RXFP2: variants seen among roughly 807,000 people sequenced by gnomAD.
The protein encoded by RXFP2 is relaxin receptor 2.
Under a neutral mutation model 88.6 loss-of-function variants are expected in RXFP2, and 68 were observed. The ratio of observed to expected loss-of-function variants is 0.77; its 90% CI spans 0.63 to 0.94. The LOEUF is 0.94. Ranked by LOEUF, RXFP2 falls within the 40% of genes least tolerant of loss-of-function variation. RXFP2 has a pLI of 0.00. For missense variants in RXFP2, 791 were observed against 893.9 expected, an observed-to-expected ratio of 0.88 and a Z score of 1.47; for synonymous variants, 329 against 306.8, an observed-to-expected ratio of 1.07 and a Z score of -0.76.
chr13:31,750,907 C>A (rs1871640483), intron 1 of RXFP2, among the ~76,000 whole-genome samples: 1 of 152,154 alleles, frequency 6.6e-6, no homozygotes, highest in Non-Finnish European at 1.5e-5. Context: ...GAGAGTATAT[C>A]TCAGTTTTAC....
intron 9 of RXFP2, among the ~76,000 whole-genome samples, chr13:31,780,477 T>G (rs1383387034): frequency 6.6e-6 from 1 of 152,216 alleles, no homozygotes; most frequent in Non-Finnish European, 1.5e-5. Flanking sequence ...CAGTATATTG[T>G]GTGAAAAATG....
intron 3 of RXFP2, among the ~76,000 whole-genome samples, chr13:31,763,465 G>T (rs1872397660): frequency 6.6e-6 from 1 of 152,104 alleles, no homozygotes; most frequent in African/African-American, 2.4e-5. Flanking sequence ...GGCTACTGCT[G>T]AACATCCTAC....
At chr13:31,754,500 C>T (rs1453004983) in intron 1 of RXFP2, among the ~76,000 whole-genome samples, 1 of 151,974 alleles carries the variant, frequency 6.6e-6, no homozygotes, top group Non-Finnish European at 1.5e-5. Flanking sequence ...CACTGCACTC[C>T]AGCCTGGGTG....
rs754586264 is a variant in RXFP2 at position 31,789,198 on chromosome 13, G to A, written c.1145+5G>A. The A allele has an allele frequency of 4.4e-6, 7 of 1,573,988 alleles. No homozygotes were observed. The highest frequency in any genetic ancestry group is 1.7e-4 in the Middle Eastern group (1 of 5,974). On this transcript the variant is annotated splice_donor_5th_base_variant and intron_variant, in intron 14 of 17. Coordinates refer to ENST00000298386, the MANE Select transcript of RXFP2 (RefSeq NM_130806.5). ...CATGAAGAATCTTTCTCACATGTAC[G>A]TATGTATAAAAAATGGAGGAGGAAG... is the stretch of plus-strand genomic sequence containing the variant.
At chr13:31,743,337 G>A (rs1428879843) in intron 1 of RXFP2, among the ~76,000 whole-genome samples, 1 of 151,990 alleles carries the variant, frequency 6.6e-6, no homozygotes, top group Non-Finnish European at 1.5e-5. Flanking sequence ...GCATGGTGGT[G>A]CACACCTGTG....
At chr13:31,775,519 G>T in intron 7 of RXFP2, 130 bp downstream of exon 7, 1 of 765,646 alleles carries the variant, frequency 1.3e-6, no homozygotes, top group Non-Finnish European at 2.3e-6. Flanking sequence ...CATATAATCT[G>T]CAGAACTTTA....
At chr13:31,779,700 TG>T (rs1873177670) in intron 9 of RXFP2, among the ~76,000 whole-genome samples, 1 of 152,200 alleles carries the variant, frequency 6.6e-6, no homozygotes, top group Admixed American at 6.5e-5. Context: ...GTAGCGCTGC[TG>T]GAACTCTTCT....
chr13:31,774,718 G>GT (rs1872867509), intron 6 of RXFP2, 27 bp downstream of exon 6: 3 of 1,208,546 alleles, frequency 2.5e-6, no homozygotes, highest in Non-Finnish European at 3.7e-6. Flanking sequence ...TCATATTGTA[G>GT]GTATAATTTT....
chr13:31,759,248 A>G (rs1872132941), intron 2 of RXFP2, among the ~76,000 whole-genome samples: 1 of 151,338 alleles, frequency 6.6e-6, no homozygotes, highest in African/African-American at 2.4e-5. Flanking sequence ...TGTATGTAAA[A>G]AAATCAATAA....
chr13:31,767,750 G>T (rs1255866959), intron 5 of RXFP2, among the ~76,000 whole-genome samples: 1 of 152,142 alleles, frequency 6.6e-6, no homozygotes, highest in Non-Finnish European at 1.5e-5. Flanking sequence ...GATGTCCAAG[G>T]TAGTGCTTAC....
chr13:31,792,380 AAC>A (rs914082075), intron 15 of RXFP2, among the ~76,000 whole-genome samples: 5 of 152,212 alleles, frequency 3.3e-5, no homozygotes, highest in Non-Finnish European at 5.9e-5. Context: ...TCCCTTTATT[AAC>A]TATGAAGATA....
intron 11 of RXFP2, among the ~76,000 whole-genome samples, chr13:31,785,022 G>A (rs1333994143): frequency 6.6e-6 from 1 of 152,064 alleles, no homozygotes; most frequent in Non-Finnish European, 1.5e-5. Context: ...CCTATTTAAT[G>A]TTCTTACTTC....
intron 1 of RXFP2, among the ~76,000 whole-genome samples, chr13:31,741,944 C>T (rs1357203964): frequency 2.0e-5 from 3 of 151,562 alleles, no homozygotes; most frequent in African/African-American, 7.3e-5. Context: ...TGAAATATGT[C>T]CATAAAATTC....
chr13:31,800,439 G>A (rs1165895362), intron 17 of RXFP2, among the ~76,000 whole-genome samples: 1 of 152,178 alleles, frequency 6.6e-6, no homozygotes, highest in Non-Finnish European at 1.5e-5. Context: ...GGGCATGGTG[G>A]CAGGTGCCTG....
intron 3 of RXFP2, among the ~76,000 whole-genome samples, chr13:31,763,540 G>A (rs558913753): frequency 1.2e-3 from 188 of 152,306 alleles, no homozygotes; most frequent in African/African-American, 4.2e-3. Context: ...TGTTCAGATA[G>A]AGGAGAAAGA....
chr13:31,740,430 T>A (rs1312233950), intron 1 of RXFP2, among the ~76,000 whole-genome samples: 1 of 152,080 alleles, frequency 6.6e-6, no homozygotes, highest in South Asian at 2.1e-4. Flanking sequence ...TTGCTGGGGT[T>A]TATTATTATT....
intron 1 of RXFP2, 80 bp downstream of exon 1, chr13:31,739,786 T>A: frequency 1.1e-6 from 1 of 905,912 alleles, no homozygotes; most frequent in Non-Finnish European, 1.8e-6. Context: ...GCAGTTGTAA[T>A]AAATATATTG....
chr13:31,802,744 T>G lies in RXFP2; in HGVS notation c.*339T>G, dbSNP rs1874418437. 1 of 301,046 alleles carries G rather than the reference T, an allele frequency of 3.3e-6. No homozygotes were observed. Among genetic ancestry groups the G allele is most frequent in the East Asian group, 7.3e-5 (1 of 13,786 alleles). 18.6% of individuals were successfully genotyped at this position (301,046 alleles called of 1,614,324 possible). On this transcript the variant is annotated 3_prime_UTR_variant, in exon 18 of 18. Coordinates refer to ENST00000298386, the MANE Select transcript of RXFP2 (RefSeq NM_130806.5). ...CACTGTGTGGTCTTTCACATCGGGT[T>G]GCACTGTCCATGAAATAGAAACACT...
At position 31,758,285 on chromosome 13, in the gene RXFP2, T is replaced by A. The variant is rs757219656; in HGVS notation, c.122T>A (p.Ile41Asn). The A allele has an allele frequency of 1.2e-6, 2 of 1,614,066 alleles. No homozygotes were observed. Among genetic ancestry groups the A allele is most frequent in the Non-Finnish European group, 8.5e-7 (1 of 1,179,914 alleles). The change falls in exon 2 of 18, where the codon ATC becomes AAC. Residue 41 changes from isoleucine (I) to asparagine (N), a missense_variant. Transcript: ENST00000298386. ...KDFALTQGSM[I>N]TPSCQKGYFP... ...TTTGCACTGACTCAAGGTAGCATGA[T>A]CACTCCTTCATGCCAAAAAGGATAT...
Sources: gnomAD v4.1 joint callset for allele counts (sites outside exome capture counted in the v4.1 genomes callset) on GRCh38, gnomAD v4.1.1 for gene constraint, MANE v1.5 for transcripts, NCBI Gene and HGNC (gene_info 2026-07-23, HGNC 2026-07-21) for gene names.